ARF5: variants seen among roughly 807,000 people sequenced by gnomAD.
ARF5 encodes ARF GTPase 5, also known as ADP-ribosylation factor 5.
A neutral mutation model predicts 24.8 loss-of-function variants in ARF5; 10 were observed. The ratio of observed to expected loss-of-function variants is 0.40; its 90% CI spans 0.25 to 0.68. The LOEUF (loss-of-function observed/expected upper bound fraction) is 0.68, where lower values mean the gene tolerates loss of function less well. ARF5 is among the 30% of genes least tolerant of loss of function. ARF5 has a pLI of 0.36. For missense variants in ARF5, 135 were observed against 239.2 expected (o/e 0.56, Z 2.87); for synonymous variants, 102 against 95.1 (o/e 1.07, Z -0.42).
At chr7:127,588,635 C>A in intron 1 of ARF5, 70 bp downstream of exon 1, 1 of 1,258,388 alleles carries the variant, frequency 7.9e-7, no homozygotes, top group Middle Eastern at 2.7e-4. Flanking sequence ...CCCCCGCGTC[C>A]CTCCAGCCCC....
chr7:127,591,286 T>C lies in ARF5; in HGVS notation c.530T>C (p.Leu177Pro). 1 of 1,601,870 alleles carries C rather than the reference T, an allele frequency of 6.2e-7. No individual in the cohort carries two copies. The highest frequency in any genetic ancestry group is 8.5e-7 in the Non-Finnish European group (1 of 1,175,842). ...GGTCTGGACTGGCTGTCCCACGAGCTGTCAAAGCGCTAACCAGCCAGGGGC... is the reference window on the plus strand; with the variant it reads ...GGTCTGGACTGGCTGTCCCACGAGCCGTCAAAGCGCTAACCAGCCAGGGGC... The part of the protein sequence containing the change: ...YDGLDWLSHE[L>P]SKR Residue 177 changes from leucine to proline, a missense_variant, in exon 6 of 6, where the codon CTG becomes CCG. Transcript: ENST00000000233.
chr7:127,590,579 C>T (rs527773460), intron 4 of ARF5, among the ~76,000 whole-genome samples: 4 of 152,276 alleles, frequency 2.6e-5, no homozygotes, highest in African/African-American at 9.6e-5. Flanking sequence ...GTGATCCACC[C>T]GTCTTGGTCT....
intron 4 of ARF5, 85 bp from the exon 5 acceptor site, chr7:127,590,878 C>A: frequency 6.7e-7 from 1 of 1,494,960 alleles, no homozygotes. Flanking sequence ...TTTTTCCAAT[C>A]AAGATGCTAG....
chr7:127,589,322 G>T (rs1794250516), intron 2 of ARF5, among the ~76,000 whole-genome samples, 159 bp downstream of exon 2: 1 of 152,212 alleles, frequency 6.6e-6, no homozygotes, highest in Non-Finnish European at 1.5e-5. Flanking sequence ...AGGCAGGGTG[G>T]ATGTGACCTA....
chr7:127,589,051 C>T lies in ARF5; in HGVS notation c.68-32C>T, dbSNP rs1224781086. 4.3e-6 allele frequency: 7 copies of T among 1,612,654 alleles called. No individual in the cohort carries two copies. The East Asian group carries it at 1.6e-4, about 36-fold the overall frequency. On this transcript the variant is annotated intron_variant, in intron 1 of 5. Coordinates refer to ENST00000000233, the MANE Select transcript of ARF5 (RefSeq NM_001662.4). ...GGTCTCTAGGGGGCTCCCTCGCTCC[C>T]ATCTCCATCCCTGTGCCCCTTTCCG...
intron 1 of ARF5, 96 bp from the exon 2 acceptor site, chr7:127,588,987 C>G (rs894762909): frequency 3.9e-5 from 56 of 1,420,448 alleles, no homozygotes; most frequent in Middle Eastern, 1.8e-4. Context: ...CGCTCTCCGC[C>G]CCAGTCACCA....
intron 1 of ARF5, 91 bp from the exon 2 acceptor site, chr7:127,588,992 T>C: frequency 6.9e-7 from 1 of 1,444,768 alleles, no homozygotes. Context: ...TCCGCCCCAG[T>C]CACCATCAGC....
chr7:127,588,618 C>A (rs940699906), intron 1 of ARF5, 53 bp downstream of exon 1: 58 of 1,289,674 alleles, frequency 4.5e-5, no homozygotes, highest in Non-Finnish European at 5.5e-5. Context: ...CCGGCGCAGC[C>A]CTTCCGCCCC....
chr7:127,590,401 C>T (rs1162116384), intron 4 of ARF5, among the ~76,000 whole-genome samples: 3 of 151,462 alleles, frequency 2.0e-5, no homozygotes, highest in South Asian at 2.1e-4. Context: ...GGTGCAATCT[C>T]GGCTCACTGC....
Position 127,589,075 on chromosome 7 carries a change from C to G in ARF5, c.68-8C>G. ...CCATCTCCATCCCTGTGCCCCTTTC[C>G]GTTGCAGTTGGCTTGGATGCGGCTG... On this transcript the variant is annotated splice_polypyrimidine_tract_variant and splice_region_variant and intron_variant, in intron 1 of 5. Transcript: ENST00000000233. 6.2e-7 allele frequency: 1 copy of G among 1,614,236 alleles called. No homozygotes were observed. Among genetic ancestry groups the G allele is most frequent in the Non-Finnish European group, 8.5e-7 (1 of 1,180,022 alleles).
chr7:127,591,581 CT>C lies in ARF5; in HGVS notation c.*292del, dbSNP rs377612947. On this transcript the variant is annotated 3_prime_UTR_variant, in exon 6 of 6. Transcript: ENST00000000233. The stretch of plus-strand genomic sequence containing the variant: ...GAGGAGGAGCAGGGATCTGGGTTTC[CT>C]TTTTTTTTTCTGTTTTGGGTGTACT... 7.5e-3 allele frequency: 2,799 copies of C among 375,194 alleles called. 6 individuals carry two copies. Among genetic ancestry groups the C allele is most frequent in the Non-Finnish European group, 0.01 (2,106 of 209,190 alleles). 23.2% of individuals were successfully genotyped at this position (375,194 alleles called of 1,614,324 possible). A position where few individuals can be genotyped will look rare whatever the true frequency, so the allele number is the denominator to read the frequency against.
chr7:127,588,649 C>A, intron 1 of ARF5, 84 bp downstream of exon 1: 1 of 1,221,820 alleles, frequency 8.2e-7, no homozygotes, highest in Non-Finnish European at 1.1e-6. Context: ...CAGCCCCGCT[C>A]ACCTGGGTCT....
intron 3 of ARF5, 93 bp from the exon 4 acceptor site, chr7:127,589,973 A>G: frequency 8.9e-7 from 1 of 1,127,914 alleles, no homozygotes; most frequent in South Asian, 1.2e-5. Flanking sequence ...GGATTGACAC[A>G]ATTACAAATG....
Position 127,591,241 on chromosome 7 carries a change from A to G in ARF5, c.485A>G (p.Gln162Arg). 6.2e-7 allele frequency: 1 copy of G among 1,607,410 alleles called. No homozygotes were observed. The highest frequency in any genetic ancestry group is 8.5e-7 in the Non-Finnish European group (1 of 1,177,942). Residue 162 changes from glutamine to arginine, a missense_variant, in exon 6 of 6, where the codon CAA becomes CGA. Gln to Arg is a conservative substitution (Grantham distance 43, BLOSUM62 1). Around this residue, in one of 3 missense-constraint regions of ARF5, gnomAD observed 102 missense variants for 160.9 expected, o/e 0.63. Coordinates refer to ENST00000000233, the MANE Select transcript of ARF5 (RefSeq NM_001662.4). ...TWYVQATCAT[Q>R]GTGLYDGLDW... ...TATGTCCAGGCCACCTGTGCCACCC[A>G]AGGCACAGGTCTGTACGATGGTCTG...
intron 1 of ARF5, 90 bp from the exon 2 acceptor site, chr7:127,588,993 C>T (rs1794245394): frequency 3.5e-6 from 5 of 1,447,936 alleles, no homozygotes; most frequent in Non-Finnish European, 4.8e-6. Flanking sequence ...CCGCCCCAGT[C>T]ACCATCAGCT....
rs558006789 is a variant in ARF5 at position 127,591,449 on chromosome 7, T to A, written c.*150T>A. On this transcript the variant is annotated 3_prime_UTR_variant, in exon 6 of 6. Coordinates refer to ENST00000000233, the MANE Select transcript of ARF5 (RefSeq NM_001662.4). ...TGCTCCTGCTCCTGCCTGCATGTTCTCTCTGTTGTTGGAGCCTGGAGCCTT... is the reference window on the plus strand; with the variant it reads ...TGCTCCTGCTCCTGCCTGCATGTTCACTCTGTTGTTGGAGCCTGGAGCCTT... 610 of 660,998 alleles carry A rather than the reference T, an allele frequency of 9.2e-4. No homozygotes were observed. Among genetic ancestry groups the A allele is most frequent in the Non-Finnish European group, 1.3e-3 (529 of 411,020 alleles). 40.9% of individuals were successfully genotyped at this position (660,998 alleles called of 1,614,324 possible). A position where few individuals can be genotyped will look rare whatever the true frequency, so the allele number is the denominator to read the frequency against.
intron 5 of ARF5, 57 bp from the exon 6 acceptor site, chr7:127,591,156 A>G: frequency 3.1e-6 from 5 of 1,608,666 alleles, no homozygotes; most frequent in Middle Eastern, 1.7e-4. Flanking sequence ...GGACAGAGAT[A>G]TAAAGGCATT....
rs1330603254 is a variant in ARF5, at chr7:127,590,216, G to A, written c.330+79G>A. ...TCTGTAGTGGTATAGAAGTCAGGGA[G>A]CCCCCAACAGGCATTGAAGACCAGG... On this transcript the variant is annotated intron_variant, in intron 4 of 5. Transcript: ENST00000000233. 5.0e-6 allele frequency: 6 copies of A among 1,188,418 alleles called. No individual in the cohort carries two copies. In the African/African-American group the frequency reaches 9.1e-5, roughly 18 times the overall value. The allele number at this position is 1,188,418 out of a possible 1,614,324, so 73.6% of individuals were successfully genotyped here. A position where few individuals can be genotyped will look rare whatever the true frequency, so the allele number is the denominator to read the frequency against.
At chr7:127,590,276 G>GTAAA in intron 4 of ARF5, 139 bp downstream of exon 4, 1 of 677,322 alleles carries the variant, frequency 1.5e-6, no homozygotes, top group Admixed American at 2.4e-5. Flanking sequence ...GACACATTGT[G>GTAAA]TATCTCACCC....
Sources: allele counts gnomAD v4.1 joint callset (sites outside exome capture counted in the v4.1 genomes callset), GRCh38; gene constraint gnomAD v4.1.1; regional missense constraint gnomAD v4.1.1; transcripts MANE v1.5; gene names NCBI Gene and HGNC (gene_info 2026-07-23, HGNC 2026-07-21).